The following TPPP variants were observed in gnomAD, a reference collection of about 807,000 sequenced individuals.
TPPP encodes tubulin polymerization promoting protein, also known as tubulin polymerization-promoting protein.
TPPP carries 6 observed loss-of-function variants against 15.5 expected under a neutral mutation model. The ratio of observed to expected loss-of-function variants is 0.39; its 90% CI spans 0.21 to 0.77. The LOEUF (loss-of-function observed/expected upper bound fraction) is 0.77, where lower values mean the gene tolerates loss of function less well. Ranked by LOEUF, TPPP falls within the 30% of genes least tolerant of loss-of-function variation. The probability of loss-of-function intolerance (pLI) is 0.42; values close to 1 mark genes in which losing one functional copy is unlikely to be tolerated. For missense variants in TPPP, 269 were observed against 307.2 expected (o/e 0.88, Z 0.93); for synonymous variants, 146 against 133.9 (o/e 1.09, Z -0.63).
intron 2 of TPPP, among the ~76,000 whole-genome samples, chr5:675,461 CACAGGGGGTGCAGT>C (rs1269281780): frequency 6.0e-5 from 1 of 16,722 alleles, no homozygotes; most frequent in Non-Finnish European, 9.6e-5. Flanking sequence ...TGGGGTGCAG[CACAGGGGGTGCAGT>C]GTGGCCAGGG....
chr5:679,140 C>A (rs1161270255), intron 1 of TPPP, among the ~76,000 whole-genome samples: 1 of 152,200 alleles, frequency 6.6e-6, no homozygotes. Flanking sequence ...CCTCTCAGAT[C>A]TGGAGTTCTC....
At chr5:697,759 A>G (rs939056457), upstream of TPPP, among the ~76,000 whole-genome samples, 1 of 151,632 alleles carries the variant, frequency 6.6e-6, no homozygotes, top group Non-Finnish European at 1.5e-5. Context: ...TACCAAACAT[A>G]TGAAGAACTA....
At chr5:685,316 A>G (rs1445420470) in intron 1 of TPPP, among the ~76,000 whole-genome samples, 1 of 152,210 alleles carries the variant, frequency 6.6e-6, no homozygotes, top group African/African-American at 2.4e-5. Flanking sequence ...GCAGTCCCCA[A>G]GGAAGTGGGA....
In TPPP at chr5:665,226, C is replaced by T. The variant is rs1739846299; in HGVS notation, c.536G>A (p.Arg179His). 6.2e-6 allele frequency: 10 copies of T among 1,613,746 alleles called. No individual in the cohort carries two copies. The highest frequency in any genetic ancestry group is 1.6e-4 in the Middle Eastern group (1 of 6,080). Residue 179 changes from arginine (R) to histidine (H), a missense_variant, in exon 4 of 4, where the codon CGC becomes CAC. Arg to His is a conservative substitution (Grantham distance 29). Transcript: ENST00000360578. Reference sequence around the variant, plus strand: ...CTTGCCCTTGCCAGAGGGGTCGAAGCGCTCCTTGTGGGAGCCCGTGAACTT... The same window carrying T: ...CTTGCCCTTGCCAGAGGGGTCGAAGTGCTCCTTGTGGGAGCCCGTGAACTT... Reference protein sequence around the residue: ...TTKFTGSHKERFDPSGKGKGK... With the variant: ...TTKFTGSHKEHFDPSGKGKGK...
rs1474399057 is a variant in TPPP, at chr5:666,031, T to G, written c.404A>C (p.Glu135Ala). The change falls in exon 3 of 4, where the codon GAG (glutamate) becomes GCG (alanine). Residue 135 changes from glutamate (E) to alanine (A), a missense_variant. Coordinates refer to ENST00000360578, the MANE Select transcript of TPPP (RefSeq NM_007030.3). ...KKRFKDKSSE[E>A]AVREVHRLIE... ...GAGCCTGTGCACCTCGCGAACGGCC[T>G]CCTCGCTGCTCTTGTCTTTGAATCG... The G allele has an allele frequency of 2.5e-6, 4 of 1,601,324 alleles. No homozygotes were observed. In the South Asian group the frequency reaches 3.3e-5, roughly 13 times the overall value.
Position 665,988 on chromosome 5 carries a change from G to C in TPPP, c.447C>G (p.Pro149=). 1 of 1,500,392 alleles carries C rather than the reference G, an allele frequency of 6.7e-7. No individual in the cohort carries two copies. Among genetic ancestry groups the C allele is most frequent in the Non-Finnish European group, 9.0e-7 (1 of 1,114,718 alleles). 92.9% of individuals were successfully genotyped at this position (1,500,392 alleles called of 1,614,324 possible). A position where few individuals can be genotyped will look rare whatever the true frequency, so the allele number is the denominator to read the frequency against. Residue 149 remains proline (P), a synonymous_variant, in exon 3 of 4, where the codon CCC becomes CCG. Transcript: ENST00000360578. The stretch of plus-strand genomic sequence containing the variant: ...TGCTCACCGTCACCCCTGAGATGAT[G>C]GGCGCCTTGCCCTCGATGAGCCTGT... ...EVHRLIEGKA[P]IISGVTKAIS... is the part of the protein sequence containing the mutation.
At chr5:693,509 C>CG (rs1554024251), upstream of TPPP, 10 of 54,860 alleles carry the variant, frequency 1.8e-4, no homozygotes, top group East Asian at 3.4e-3. Context: ...CCACCCGGCC[C>CG]GGGGACGCGC....
intron 2 of TPPP, among the ~76,000 whole-genome samples, chr5:673,813 G>C (rs1413564732): frequency 6.6e-6 from 1 of 152,200 alleles, no homozygotes; most frequent in African/African-American, 2.4e-5. Context: ...GCCCAGACCA[G>C]CTGGGGCTCC....
In TPPP at chr5:674,851, T is replaced by A. The variant is rs958547147; in HGVS notation, c.311+2899A>T. On this transcript the variant is annotated intron_variant, in intron 2 of 3. Coordinates refer to ENST00000360578, the MANE Select transcript of TPPP (RefSeq NM_007030.3). ...TAAGCCCTGTGGATGATGTGGGAGC[T>A]CCAGCGAGCCTGTGGGAGCTGCCCC... Among the ~76,000 whole-genome samples the A allele has an allele frequency of 2.1e-4, 31 of 150,704 alleles. No homozygotes were observed. The East Asian group carries it at 6.1e-3, about 30-fold the overall frequency.
chr5:674,401 C>T (rs1580086009), intron 2 of TPPP, among the ~76,000 whole-genome samples: 1 of 150,766 alleles, frequency 6.6e-6, no homozygotes, highest in Non-Finnish European at 1.5e-5. Context: ...TGCCCTTGCC[C>T]ACGCAGGCTC....
Position 676,907 on chromosome 5 carries a change from G to A in TPPP, c.311+843C>T, listed in dbSNP as rs549246655. 5.3e-5 allele frequency among the ~76,000 whole-genome samples: 7 copies of A among 133,298 alleles called. No individual in the cohort carries two copies. The East Asian group carries it at 8.0e-4, about 15-fold the overall frequency. 87.4% of individuals were successfully genotyped at this position (133,298 alleles called of 152,430 possible). A position where few individuals can be genotyped will look rare whatever the true frequency, so the allele number is the denominator to read the frequency against. ...ACACGACGCAGAAACGCGCACGCGCGCATACACGACGCAGAAACGCACGCG... is the reference window on the plus strand; with the variant it reads ...ACACGACGCAGAAACGCGCACGCGCACATACACGACGCAGAAACGCACGCG... On this transcript the variant is annotated intron_variant, in intron 2 of 3. Coordinates refer to ENST00000360578, the MANE Select transcript of TPPP (RefSeq NM_007030.3).
At chr5:698,206 C>T (rs1259615329), upstream of TPPP, among the ~76,000 whole-genome samples, 1 of 151,808 alleles carries the variant, frequency 6.6e-6, no homozygotes, top group African/African-American at 2.4e-5. Context: ...CAGCCAACAT[C>T]AGAATTAAGG....
intron 2 of TPPP, among the ~76,000 whole-genome samples, chr5:672,549 G>C (rs1740259930): frequency 6.6e-6 from 1 of 152,250 alleles, no homozygotes; most frequent in Admixed American, 6.5e-5. Flanking sequence ...ACCCATAGGG[G>C]GCCAGTGAGC....
At chr5:679,578 C>T (rs1267166271) in intron 1 of TPPP, among the ~76,000 whole-genome samples, 6 of 152,044 alleles carry the variant, frequency 3.9e-5, no homozygotes, top group East Asian at 3.9e-4. Flanking sequence ...CAGCAGGGGT[C>T]GCTGGACAGG....
chr5:683,217 C>T (rs1487298880), intron 1 of TPPP, among the ~76,000 whole-genome samples: 5 of 152,154 alleles, frequency 3.3e-5, no homozygotes, highest in Non-Finnish European at 4.4e-5. Flanking sequence ...GGGGTGCAGC[C>T]CCCTCCCCAT....
intron 1 of TPPP, among the ~76,000 whole-genome samples, chr5:686,250 G>A (rs913229938): frequency 6.2e-4 from 95 of 152,248 alleles, no homozygotes; most frequent in Non-Finnish European, 1.0e-3. Flanking sequence ...CTGCAGATGC[G>A]GTGGGACCTG....
In TPPP at chr5:667,806, C is replaced by T. The variant is rs113283701; in HGVS notation, c.312-1683G>A. Among the ~76,000 whole-genome samples the T allele has an allele frequency of 4.3e-5, 6 of 140,316 alleles. 1 individual carries two copies. Among genetic ancestry groups the T allele is most frequent in the Non-Finnish European group, 9.4e-5 (6 of 64,092 alleles). 92.1% of individuals were successfully genotyped at this position (140,316 alleles called of 152,430 possible). Reference sequence around the variant, plus strand: ...CACACGGAGAGGGGTCCGCGTGGGCCCCATCAGGGAAGTACAGACAAGCAC... The same window carrying T: ...CACACGGAGAGGGGTCCGCGTGGGCTCCATCAGGGAAGTACAGACAAGCAC... On this transcript the variant is annotated intron_variant, in intron 2 of 3. Transcript: ENST00000360578.
chr5:677,892 G>A lies in TPPP; in HGVS notation c.169C>T (p.Arg57Cys), dbSNP rs377528137. The A allele has an allele frequency of 2.0e-5, 32 of 1,612,552 alleles. No homozygotes were observed. The highest frequency in any genetic ancestry group is 3.3e-5 in the Admixed American group (2 of 59,946). Residue 57 changes from arginine (R) to cysteine (C), a missense_variant, in exon 2 of 4, where the codon CGC becomes TGC. Coordinates refer to ENST00000360578, the MANE Select transcript of TPPP (RefSeq NM_007030.3). Reference sequence around the variant, plus strand: ...CTGGCGTCCCCGTGCACGGCAAAGCGCCGGAAGGCCTCCTCCAGGGCACTG... The same window carrying A: ...CTGGCGTCCCCGTGCACGGCAAAGCACCGGAAGGCCTCCTCCAGGGCACTG... ...ELSALEEAFR[R>C]FAVHGDARAT...
chr5:700,353 C>G, the TPPP span, among the ~76,000 whole-genome samples: 6 of 152,006 alleles, frequency 3.9e-5, no homozygotes, highest in Non-Finnish European at 7.4e-5. Flanking sequence ...TCAAATACCA[C>G]ATGTTCTCAA....
Sources: gnomAD v4.1 joint callset for allele counts (sites outside exome capture counted in the v4.1 genomes callset) on GRCh38, gnomAD v4.1.1 for gene constraint, MANE v1.5 for transcripts, NCBI Gene and HGNC (gene_info 2026-07-23, HGNC 2026-07-21) for gene names.